Variants in SCN8A observed in about 807,000 individuals in gnomAD.
SCN8A encodes sodium voltage-gated channel alpha subunit 8, also known as sodium channel protein type 8 subunit alpha.
SCN8A carries 30 observed loss-of-function variants against 184.1 expected under a neutral mutation model. The ratio of observed to expected loss-of-function variants is 0.16; its 90% confidence interval spans 0.12 to 0.22. The LOEUF is 0.22. SCN8A is among the 10% of genes least tolerant of loss of function. SCN8A has a pLI of 1.00. For synonymous variants in SCN8A, 852 were observed against 907.0 expected (o/e 0.94, Z 1.09); for missense variants, 1,057 against 2,498.9 (o/e 0.42, Z 12.30).
intron 9 of SCN8A, among the ~76,000 whole-genome samples, chr12:51,704,011 G>C (rs1034249315): frequency 4.6e-5 from 7 of 151,896 alleles, no homozygotes; most frequent in African/African-American, 1.2e-4. Flanking sequence ...TCCTGCCTCA[G>C]CCTCCCGAGT....
At chr12:51,620,230 A>G (rs1380715334) in intron 1 of SCN8A, among the ~76,000 whole-genome samples, 1 of 152,220 alleles carries the variant, frequency 6.6e-6, no homozygotes, top group Non-Finnish European at 1.5e-5. Context: ...TTTTAATGTT[A>G]TACTAGTGAC....
chr12:51,790,371 T>C (rs758095756), intron 24 of SCN8A, 27 bp from the exon 25 acceptor site: 2 of 1,533,648 alleles, frequency 1.3e-6, no homozygotes, highest in Non-Finnish European at 1.8e-6. Flanking sequence ...CAGTTGTAAT[T>C]GTCTGTTTTC....
At chr12:51,674,965 C>G (rs949114944) in intron 2 of SCN8A, among the ~76,000 whole-genome samples, 5 of 152,152 alleles carry the variant, frequency 3.3e-5, no homozygotes, top group Non-Finnish European at 7.3e-5. Flanking sequence ...GCCTGTAAAC[C>G]ACTCTGCTTT....
chr12:51,805,197 T>C (rs1000774588), intron 26 of SCN8A, among the ~76,000 whole-genome samples: 1 of 152,194 alleles, frequency 6.6e-6, no homozygotes, highest in Non-Finnish European at 1.5e-5. Flanking sequence ...ATGAGTAATC[T>C]AAAATTATTT....
intron 18 of SCN8A, 162 bp from the exon 19 acceptor site, chr12:51,770,367 C>T: frequency 1.2e-6 from 1 of 800,282 alleles, no homozygotes; most frequent in East Asian, 2.7e-5. Flanking sequence ...TAGCCCCAGC[C>T]CTGCCACCCT....
intron 19 of SCN8A, among the ~76,000 whole-genome samples, chr12:51,772,331 G>A (rs1246618111): frequency 6.6e-6 from 1 of 151,332 alleles, no homozygotes; most frequent in African/African-American, 2.4e-5. Flanking sequence ...GGAGGCGGAG[G>A]TTGCAGTGTG....
chr12:51,647,728 A>G (rs1412849941), intron 1 of SCN8A, among the ~76,000 whole-genome samples: 1 of 152,198 alleles, frequency 6.6e-6, no homozygotes, highest in Non-Finnish European at 1.5e-5. Context: ...TGTAAGTAAC[A>G]AAGTAGAAAA....
At chr12:51,651,993 C>T (rs185294247) in intron 1 of SCN8A, among the ~76,000 whole-genome samples, 55 of 152,166 alleles carry the variant, frequency 3.6e-4, no homozygotes, top group African/African-American at 1.3e-3. Context: ...CTTTTTGTTC[C>T]AAACAAGAAG....
chr12:51,624,474 G>A (rs1374786790), intron 1 of SCN8A, among the ~76,000 whole-genome samples: 1 of 151,748 alleles, frequency 6.6e-6, no homozygotes, highest in Non-Finnish European at 1.5e-5. Flanking sequence ...TTTTTTTCTT[G>A]TAAATTTGTT....
chr12:51,737,161 A>G (rs942639604), intron 12 of SCN8A, among the ~76,000 whole-genome samples: 2 of 152,218 alleles, frequency 1.3e-5, no homozygotes, highest in Non-Finnish European at 2.9e-5. Context: ...TAATTTTTCC[A>G]GGATCATATC....
chr12:51,645,273 C>A lies in SCN8A; in HGVS notation c.-54-17491C>A, dbSNP rs545386292. On this transcript the variant is annotated intron_variant, in intron 1 of 26. Transcript: ENST00000627620. ...TGAGGGGCGCCTCTGCCCAGCCGCC[C>A]CTACTGGGAAGTGAGGAGCCCCTCT... Among the ~76,000 whole-genome samples, 29 of 150,294 alleles carry A rather than the reference C, an allele frequency of 1.9e-4. No homozygotes were observed. In the East Asian group the frequency reaches 5.4e-3, roughly 28 times the overall value.
chr12:51,599,079 G>C (rs1330225188), intron 1 of SCN8A, among the ~76,000 whole-genome samples: 1 of 152,170 alleles, frequency 6.6e-6, no homozygotes, highest in African/African-American at 2.4e-5. Context: ...TGCAGGGGGA[G>C]ACATAACCTT....
intron 26 of SCN8A, among the ~76,000 whole-genome samples, chr12:51,800,014 A>C (rs1938511148): frequency 1.3e-5 from 2 of 152,226 alleles, no homozygotes; most frequent in South Asian, 4.1e-4. Flanking sequence ...GCATAATGTC[A>C]TCAATGTAAT....
chr12:51,755,025 CTG>C (rs904482496), intron 14 of SCN8A, among the ~76,000 whole-genome samples: 8 of 152,276 alleles, frequency 5.3e-5, no homozygotes, highest in African/African-American at 1.4e-4. Flanking sequence ...TTTTTGGAAA[CTG>C]TGACTTTAAG....
At chr12:51,680,265 A>G (rs896864584) in intron 2 of SCN8A, among the ~76,000 whole-genome samples, 1 of 152,188 alleles carries the variant, frequency 6.6e-6, no homozygotes, top group African/African-American at 2.4e-5. Flanking sequence ...TTTAAGTGCA[A>G]CACTCAGTAC....
intron 7 of SCN8A, among the ~76,000 whole-genome samples, chr12:51,700,693 A>G (rs1941672685): frequency 6.6e-6 from 1 of 152,216 alleles, no homozygotes; most frequent in South Asian, 2.1e-4. Flanking sequence ...GATTTCGGGG[A>G]CATATGCTGG....
chr12:51,700,118 A>T (rs1177917361), intron 7 of SCN8A, among the ~76,000 whole-genome samples: 1 of 151,428 alleles, frequency 6.6e-6, no homozygotes, highest in East Asian at 1.9e-4. Flanking sequence ...GTGAGCCAAG[A>T]TCACGCCATT....
At chr12:51,647,173 A>G (rs1940609762) in intron 1 of SCN8A, among the ~76,000 whole-genome samples, 1 of 152,110 alleles carries the variant, frequency 6.6e-6, no homozygotes, top group Non-Finnish European at 1.5e-5. Context: ...GTGGGACCCC[A>G]TCTCTGAATT....
chr12:51,766,113 T>C (rs1052188103), intron 16 of SCN8A, 86 bp downstream of exon 16: 2 of 997,162 alleles, frequency 2.0e-6, no homozygotes, highest in Non-Finnish European at 3.2e-6. Context: ...TACTGCTTAG[T>C]CCTTCTACTA....
Sources: allele counts gnomAD v4.1 joint callset (sites outside exome capture counted in the v4.1 genomes callset), GRCh38; gene constraint gnomAD v4.1.1; transcripts MANE v1.5; gene names NCBI Gene and HGNC (gene_info 2026-07-23, HGNC 2026-07-21).